Variants in RPH3A observed in about 807,000 individuals in gnomAD.
The protein encoded by RPH3A is rabphilin 3A.
Under a neutral mutation model 102.2 loss-of-function variants are expected in RPH3A, and 48 were observed. That is an observed-to-expected ratio of 0.47 (90% CI 0.37 to 0.60). RPH3A has a LOEUF of 0.60. Ranked by LOEUF, RPH3A falls within the 20% of genes least tolerant of loss-of-function variation. The pLI, the probability that RPH3A is intolerant of heterozygous loss-of-function variation, is 0.00. For synonymous variants in RPH3A, 310 were observed against 324.3 expected (o/e 0.96, Z 0.47); for missense variants, 781 against 910.1 (o/e 0.86, Z 1.83).
At chr12:112,706,360 C>A (rs1272193021) in intron 1 of RPH3A, among the ~76,000 whole-genome samples, 1 of 152,176 alleles carries the variant, frequency 6.6e-6, no homozygotes, top group Admixed American at 6.5e-5. Context: ...TGCCCCAGAA[C>A]TCCTCAGTGC....
At chr12:112,712,977 C>CTTCTTCTTTT (rs1444528289) in intron 1 of RPH3A, among the ~76,000 whole-genome samples, 1 of 96,180 alleles carries the variant, frequency 1.0e-5, no homozygotes, top group Non-Finnish European at 2.2e-5. Context: ...CTTCTTCTTT[C>CTTCTTCTTTT]TTCTTCGTCG....
chr12:112,667,390 C>CT (rs1308807645), intron 1 of RPH3A, among the ~76,000 whole-genome samples: 4 of 152,216 alleles, frequency 2.6e-5, no homozygotes, highest in African/African-American at 9.6e-5. Context: ...ACCCTGGACC[C>CT]TTTTTTCTCC....
intron 1 of RPH3A, among the ~76,000 whole-genome samples, chr12:112,609,252 G>A (rs1592905028): frequency 6.6e-6 from 1 of 152,184 alleles, no homozygotes; most frequent in Non-Finnish European, 1.5e-5. Context: ...ATTTTATGTA[G>A]AGATGGGGTT....
chr12:112,819,800 T>C (rs1178811218), intron 2 of RPH3A, among the ~76,000 whole-genome samples: 1 of 152,234 alleles, frequency 6.6e-6, no homozygotes, highest in Non-Finnish European at 1.5e-5. Flanking sequence ...TGCCTTATGA[T>C]TGCTCATTCT....
chr12:112,875,814 G>A, intron 12 of RPH3A, 73 bp downstream of exon 12: 1 of 1,409,090 alleles, frequency 7.1e-7, no homozygotes, highest in Non-Finnish European at 1.0e-6. Flanking sequence ...AGAGCAGGCA[G>A]CTGCCAGAAC....
At chr12:112,615,493 A>G (rs2039672254) in intron 1 of RPH3A, among the ~76,000 whole-genome samples, 1 of 152,136 alleles carries the variant, frequency 6.6e-6, no homozygotes, top group Admixed American at 6.5e-5. Flanking sequence ...AAAGAAGGAA[A>G]AGGTATCATG....
At chr12:112,853,546 T>C (rs922685526) in intron 5 of RPH3A, among the ~76,000 whole-genome samples, 17 of 152,192 alleles carry the variant, frequency 1.1e-4, no homozygotes, top group African/African-American at 3.9e-4. Context: ...GGTGAAAATA[T>C]GGTTGGGCAT....
chr12:112,712,575 C>A (rs975264373), intron 1 of RPH3A, among the ~76,000 whole-genome samples: 1 of 152,150 alleles, frequency 6.6e-6, no homozygotes, highest in Non-Finnish European at 1.5e-5. Flanking sequence ...GCAATCACAG[C>A]CCTGTCCCCA....
chr12:112,601,972 T>C (rs565818407), intron 1 of RPH3A, among the ~76,000 whole-genome samples: 1 of 152,090 alleles, frequency 6.6e-6, no homozygotes, highest in African/African-American at 2.4e-5. Context: ...AAATAGGTAA[T>C]AAAAGTATAA....
intron 1 of RPH3A, among the ~76,000 whole-genome samples, chr12:112,644,659 A>C: frequency 6.6e-6 from 1 of 152,214 alleles, no homozygotes; most frequent in Non-Finnish European, 1.5e-5. Flanking sequence ...ATGTTAGCTC[A>C]TTCTTTTGAT....
intron 1 of RPH3A, among the ~76,000 whole-genome samples, chr12:112,599,212 C>T (rs942866657): frequency 6.6e-6 from 1 of 152,146 alleles, no homozygotes; most frequent in Admixed American, 6.5e-5. Context: ...GCCAAGATGG[C>T]AGCTGGTTTA....
rs752081440 is a variant in RPH3A at position 112,828,400 on chromosome 12, G to C, written c.71+11G>C. 4.4e-6 allele frequency: 7 copies of C among 1,597,324 alleles called. No homozygotes were observed. The highest frequency in any genetic ancestry group is 6.0e-6 in the Non-Finnish European group (7 of 1,171,404). ...GCCCCTTCAATCAAAGTAAGTTGCT[G>C]CATCTTCCTGGGAGTGGCTTGTTTT... On this transcript the variant is annotated intron_variant, in intron 3 of 21. Coordinates refer to ENST00000389385, the MANE Select transcript of RPH3A (RefSeq NM_001143854.2).
At chr12:112,720,698 C>T (rs914579522) in intron 1 of RPH3A, among the ~76,000 whole-genome samples, 3 of 152,170 alleles carry the variant, frequency 2.0e-5, no homozygotes, top group Non-Finnish European at 2.9e-5. Context: ...TTTCTTGGTA[C>T]TGGCAAAATT....
intron 1 of RPH3A, among the ~76,000 whole-genome samples, chr12:112,705,247 T>A (rs1316459640): frequency 6.6e-6 from 1 of 152,236 alleles, no homozygotes; most frequent in Non-Finnish European, 1.5e-5. Flanking sequence ...TCCTGTTGAC[T>A]GGAATCAGTC....
At chr12:112,712,354 GAA>G (rs1479235612) in intron 1 of RPH3A, among the ~76,000 whole-genome samples, 1 of 152,150 alleles carries the variant, frequency 6.6e-6, no homozygotes, top group Admixed American at 6.5e-5. Flanking sequence ...ATGAACATAG[GAA>G]ACTGTCCCTT....
At chr12:112,647,845 AG>A (rs1478698729) in intron 1 of RPH3A, among the ~76,000 whole-genome samples, 1 of 152,202 alleles carries the variant, frequency 6.6e-6, no homozygotes, top group Non-Finnish European at 1.5e-5. Context: ...AGTGGGAAAA[AG>A]CTTAAGCAAG....
chr12:112,652,398 G>A (rs533362265), intron 1 of RPH3A, among the ~76,000 whole-genome samples: 1 of 152,270 alleles, frequency 6.6e-6, no homozygotes, highest in Non-Finnish European at 1.5e-5. Flanking sequence ...GATTGCTTGT[G>A]CCCAGGAACT....
At chr12:112,723,461 C>T (rs773367155) in intron 1 of RPH3A, among the ~76,000 whole-genome samples, 7 of 152,172 alleles carry the variant, frequency 4.6e-5, no homozygotes, top group East Asian at 1.9e-4. Context: ...CTGTCTGAAA[C>T]GGTGGGCAAC....
chr12:112,871,916 A>T (rs1403494494), intron 10 of RPH3A, among the ~76,000 whole-genome samples: 1 of 150,956 alleles, frequency 6.6e-6, no homozygotes, highest in Non-Finnish European at 1.5e-5. Context: ...GTATATATAT[A>T]TTATATATAC....
Sources: allele counts gnomAD v4.1 joint callset (sites outside exome capture counted in the v4.1 genomes callset), GRCh38; gene constraint gnomAD v4.1.1; transcripts MANE v1.5; gene names NCBI Gene and HGNC (gene_info 2026-07-23, HGNC 2026-07-21).